Variants in ALG14 observed in about 807,000 individuals in gnomAD.
ALG14 encodes ALG14 UDP-N-acetylglucosaminyltransferase subunit, also known as UDP-N-acetylglucosamine transferase subunit ALG14.
ALG14 carries 17 observed loss-of-function variants against 22.8 expected under a neutral mutation model. The observed-to-expected ratio is 0.75, with a 90% CI of 0.51 to 1.12. The LOEUF is 1.12. ALG14 is among the 50% of genes most tolerant of loss of function. The pLI is 0.00. For synonymous variants in ALG14, 89 were observed against 103.7 expected, an observed-to-expected ratio of 0.86 and a Z score of 0.86; for missense variants, 288 against 271.8, an observed-to-expected ratio of 1.06 and a Z score of -0.42.
At chr1:94,991,672 A>T (rs1672777270) in intron 3 of ALG14, among the ~76,000 whole-genome samples, 1 of 152,154 alleles carries the variant, frequency 6.6e-6, no homozygotes, top group South Asian at 2.1e-4. Context: ...AACACTGTAC[A>T]CTTAGCCCAC....
At chr1:95,072,065 A>C (rs1323878211) in intron 1 of ALG14, among the ~76,000 whole-genome samples, 1 of 152,260 alleles carries the variant, frequency 6.6e-6, no homozygotes, top group African/African-American at 2.4e-5. Context: ...AGATTAAGTG[A>C]ATAAAGTAAT....
chr1:95,069,075 C>A (rs959523592), intron 1 of ALG14, among the ~76,000 whole-genome samples: 4 of 152,236 alleles, frequency 2.6e-5, no homozygotes, highest in Admixed American at 2.6e-4. Context: ...CTATCACCTT[C>A]TTTTCACATC....
chr1:95,065,405 T>C lies in ALG14; in HGVS notation c.137-388A>G, dbSNP rs568377648. Among the ~76,000 whole-genome samples, 28 of 151,862 alleles carry C rather than the reference T, an allele frequency of 1.8e-4. No individual in the cohort carries two copies. The South Asian group carries it at 4.6e-3, about 25-fold the overall frequency. On this transcript the variant is annotated intron_variant, in intron 1 of 3. Coordinates refer to ENST00000370205, the MANE Select transcript of ALG14 (RefSeq NM_144988.4). Reference sequence around the variant, plus strand: ...AGGGTAAGCAAATGGTTATGAAAAATCAATGCCTTAAAAATAAGGAAGAAC... The same window carrying C: ...AGGGTAAGCAAATGGTTATGAAAAACCAATGCCTTAAAAATAAGGAAGAAC...
intron 3 of ALG14, among the ~76,000 whole-genome samples, chr1:95,005,104 A>G (rs1673180877): frequency 6.6e-6 from 1 of 152,250 alleles, no homozygotes; most frequent in African/African-American, 2.4e-5. Context: ...AGAGAGAGAC[A>G]CACAGAGTAA....
chr1:95,002,516 T>TAA (rs1371631040), intron 3 of ALG14, among the ~76,000 whole-genome samples: 1 of 152,058 alleles, frequency 6.6e-6, no homozygotes, highest in Non-Finnish European at 1.5e-5. Flanking sequence ...GGGAGACAGA[T>TAA]AAAAGAACAG....
rs1356251720 is a variant in ALG14, at chr1:94,980,279, G to A, written c.*2797C>T. The A allele has an allele frequency of 5.3e-5, 8 of 152,014 alleles. No individual in the cohort carries two copies. The highest frequency in any genetic ancestry group is 8.8e-5 in the Non-Finnish European group (6 of 68,012). 9.4% of individuals were successfully genotyped at this position (152,014 alleles called of 1,614,324 possible). On this transcript the variant is annotated 3_prime_UTR_variant, in exon 4 of 4. Coordinates refer to ENST00000370205, the MANE Select transcript of ALG14 (RefSeq NM_144988.4). ...TTGACACGGTTTCATAGCACTCTTC[G>A]TTCCAGGCTAAAGTTTCCTGTCATG... is the stretch of plus-strand genomic sequence containing the variant.
intron 3 of ALG14, among the ~76,000 whole-genome samples, chr1:95,025,211 A>AT (rs1557959433): frequency 6.6e-6 from 1 of 152,092 alleles, no homozygotes; most frequent in Non-Finnish European, 1.5e-5. Context: ...TATATTTTGT[A>AT]TTTTTTTAAA....
Position 95,008,750 on chromosome 1 carries a change from T to A in ALG14, c.420+18379A>T, listed in dbSNP as rs545208399. Among the ~76,000 whole-genome samples, 482 of 152,284 alleles carry A rather than the reference T, an allele frequency of 3.2e-3. 1 individual carries two copies. The highest frequency in any genetic ancestry group is 0.011 in the African/African-American group (465 of 41,564). On this transcript the variant is annotated intron_variant, in intron 3 of 3. Transcript: ENST00000370205. ...GGTAAGCACATTTACAAGGTTGTAATTGTGCTATCCATTTCTAGAACATTT... is the reference window on the plus strand; with the variant it reads ...GGTAAGCACATTTACAAGGTTGTAAATGTGCTATCCATTTCTAGAACATTT...
chr1:95,055,942 A>G (rs2100822632), intron 2 of ALG14, among the ~76,000 whole-genome samples: 1 of 149,980 alleles, frequency 6.7e-6, no homozygotes, highest in Middle Eastern at 3.4e-3. Context: ...CCCAGGAGGC[A>G]GAGCTTGCAG....
At chr1:95,037,269 C>T (rs1674231212) in intron 2 of ALG14, among the ~76,000 whole-genome samples, 1 of 152,144 alleles carries the variant, frequency 6.6e-6, no homozygotes, top group South Asian at 2.1e-4. Flanking sequence ...CCTAACCCTG[C>T]CTCTAAGAGT....
intron 3 of ALG14, among the ~76,000 whole-genome samples, chr1:95,003,592 G>A (rs2100739003): frequency 6.6e-6 from 1 of 151,998 alleles, no homozygotes; most frequent in South Asian, 2.1e-4. Context: ...TGAGACTACA[G>A]TGTGTGTCAT....
chr1:95,015,310 G>C (rs1017394896), intron 3 of ALG14, among the ~76,000 whole-genome samples: 1 of 152,214 alleles, frequency 6.6e-6, no homozygotes, highest in Non-Finnish European at 1.5e-5. Context: ...ATTAATCAAA[G>C]ACCTCTCCAA....
chr1:95,011,326 G>T (rs1673354654), intron 3 of ALG14, among the ~76,000 whole-genome samples: 1 of 152,140 alleles, frequency 6.6e-6, no homozygotes, highest in Non-Finnish European at 1.5e-5. Flanking sequence ...GAAGACCACT[G>T]TCTATGAACC....
chr1:95,048,425 G>A lies in ALG14; in HGVS notation c.288+16441C>T, dbSNP rs527596571. ...CATGCTGTAACAGAAGTTACAAGGA[G>A]TAATAGTTGGTTGCCAAGGGAGGCA... is the stretch of plus-strand genomic sequence containing the variant. On this transcript the variant is annotated intron_variant, in intron 2 of 3. Coordinates refer to ENST00000370205, the MANE Select transcript of ALG14 (RefSeq NM_144988.4). 7.2e-5 allele frequency among the ~76,000 whole-genome samples: 11 copies of A among 152,312 alleles called. No homozygotes were observed. In the South Asian group the frequency reaches 1.9e-3, roughly 26 times the overall value.
rs1231056510 is a variant in ALG14 at position 94,976,845 on chromosome 1, TATG to T, written c.*6228_*6230del. 1.3e-5 allele frequency: 2 copies of T among 152,228 alleles called. No homozygotes were observed. The highest frequency in any genetic ancestry group is 2.9e-5 in the Non-Finnish European group (2 of 68,046). The allele number at this position is 152,228 out of a possible 1,614,324, so 9.4% of individuals were successfully genotyped here. ...ATTAACATGGCAAAAGGGACGTAAT[TATG>T]ATCCTAATCAGTTGACCTTGAATTA... On this transcript the variant is annotated 3_prime_UTR_variant, in exon 4 of 4. Coordinates refer to ENST00000370205, the MANE Select transcript of ALG14 (RefSeq NM_144988.4).
chr1:95,049,762 T>G (rs554394627), intron 2 of ALG14, among the ~76,000 whole-genome samples: 31 of 151,934 alleles, frequency 2.0e-4, no homozygotes, highest in South Asian at 8.3e-4. Flanking sequence ...TCCCAGCTAC[T>G]TGGGGGGCTG....
chr1:95,069,158 T>C (rs1050321327), intron 1 of ALG14, among the ~76,000 whole-genome samples: 2 of 152,182 alleles, frequency 1.3e-5, no homozygotes, highest in Non-Finnish European at 2.9e-5. Context: ...CTTTTGACAA[T>C]GCAGGCTTGA....
intron 2 of ALG14, among the ~76,000 whole-genome samples, chr1:95,059,199 C>T (rs887097869): frequency 6.6e-6 from 1 of 151,740 alleles, no homozygotes; most frequent in Admixed American, 6.6e-5. Context: ...GAGTTCGAGA[C>T]CAGCCTGGCT....
chr1:95,030,125 G>C (rs551052591), intron 2 of ALG14, among the ~76,000 whole-genome samples: 1 of 152,258 alleles, frequency 6.6e-6, no homozygotes, highest in African/African-American at 2.4e-5. Context: ...TGTTTGGACA[G>C]GTAATATGGT....
Sources: allele counts gnomAD v4.1 joint callset (sites outside exome capture counted in the v4.1 genomes callset), GRCh38; gene constraint gnomAD v4.1.1; transcripts MANE v1.5; gene names NCBI Gene and HGNC (gene_info 2026-07-23, HGNC 2026-07-21).